Variants in ZBBX observed in about 807,000 individuals in gnomAD.
ZBBX encodes the protein zinc finger B-box domain containing.
Under a neutral mutation model 108.5 loss-of-function variants are expected in ZBBX, and 101 were observed. The ratio of observed to expected loss-of-function variants is 0.93; its 90% CI spans 0.79 to 1.10. ZBBX has a LOEUF of 1.10. ZBBX is among the 50% of genes least tolerant of loss of function. The pLI, the probability that ZBBX is intolerant of heterozygous loss-of-function variation, is 0.00. For synonymous variants in ZBBX, 356 were observed against 323.4 expected (o/e 1.10, Z -1.08); for missense variants, 1,009 against 941.4 (o/e 1.07, Z -0.94).
chr3:167,360,590 T>C (rs1309210438), intron 7 of ZBBX, 85 bp downstream of exon 7: 2 of 807,170 alleles, frequency 2.5e-6, no homozygotes, highest in Non-Finnish European at 3.5e-6. Flanking sequence ...CCCGGACAAT[T>C]CTAAAACTTT....
At chr3:167,275,818 T>C (rs1727462642) in intron 20 of ZBBX, among the ~76,000 whole-genome samples, 1 of 152,190 alleles carries the variant, frequency 6.6e-6, no homozygotes, top group Admixed American at 6.5e-5. Context: ...GCTCCACCTC[T>C]GGGGGCAGGG....
At chr3:167,290,673 C>A (rs1490941231) in intron 18 of ZBBX, among the ~76,000 whole-genome samples, 1 of 152,058 alleles carries the variant, frequency 6.6e-6, no homozygotes, top group Non-Finnish European at 1.5e-5. Flanking sequence ...CAACTCCTCA[C>A]CACCAAGGGA....
intron 20 of ZBBX, among the ~76,000 whole-genome samples, chr3:167,267,840 G>A (rs1725829231): frequency 6.6e-6 from 1 of 152,104 alleles, no homozygotes. Context: ...AAGGACTCCA[G>A]CGCATGGGAT....
At chr3:167,377,181 T>C (rs1188133473) in intron 2 of ZBBX, among the ~76,000 whole-genome samples, 1 of 152,210 alleles carries the variant, frequency 6.6e-6, no homozygotes, top group Non-Finnish European at 1.5e-5. Flanking sequence ...GATGGTTTGA[T>C]GATCCTTCTA....
the ZBBX span, among the ~76,000 whole-genome samples, chr3:167,204,229 A>G: frequency 8.7e-6 from 1 of 115,122 alleles, no homozygotes; most frequent in African/African-American, 3.1e-5. Flanking sequence ...TTCATTTTAA[A>G]TTTCTTTTCT....
intron 6 of ZBBX, among the ~76,000 whole-genome samples, chr3:167,361,815 G>A (rs1482199195): frequency 2.0e-5 from 3 of 152,090 alleles, no homozygotes; most frequent in Non-Finnish European, 2.9e-5. Flanking sequence ...CTACCTTAAT[G>A]ATACATCTGA....
intron 1 of ZBBX, among the ~76,000 whole-genome samples, chr3:167,398,583 T>C (rs1004490711): frequency 6.6e-6 from 1 of 152,062 alleles, no homozygotes; most frequent in Admixed American, 6.6e-5. Context: ...ACTGTATAAA[T>C]ATTTAATGAA....
At chr3:167,293,248 AAAAG>A (rs1163973004) in intron 18 of ZBBX, among the ~76,000 whole-genome samples, 2 of 152,184 alleles carry the variant, frequency 1.3e-5, no homozygotes, top group African/African-American at 4.8e-5. Flanking sequence ...ACAAAACAAA[AAAAG>A]AAAATTTCAG....
intron 20 of ZBBX, among the ~76,000 whole-genome samples, chr3:167,247,020 A>G (rs953184173): frequency 6.6e-6 from 1 of 152,236 alleles, no homozygotes; most frequent in African/African-American, 2.4e-5. Flanking sequence ...AGTGCTGGAT[A>G]GAGAAAGGCA....
chr3:167,266,232 T>C (rs1209186147), intron 20 of ZBBX, among the ~76,000 whole-genome samples: 2 of 152,238 alleles, frequency 1.3e-5, no homozygotes, highest in African/African-American at 4.8e-5. Context: ...GTAAAAATAA[T>C]GGATTAAACC....
the ZBBX span, among the ~76,000 whole-genome samples, chr3:167,184,575 GT>G: frequency 6.6e-6 from 1 of 152,074 alleles, no homozygotes; most frequent in Non-Finnish European, 1.5e-5. Flanking sequence ...TCAAGGAATA[GT>G]CAACAGGAAA....
chr3:167,221,499 T>C, the ZBBX span, among the ~76,000 whole-genome samples: 1 of 151,804 alleles, frequency 6.6e-6, no homozygotes, highest in Non-Finnish European at 1.5e-5. Flanking sequence ...CTATCTCTTG[T>C]TGACTATGAA....
At chr3:167,242,438 A>G (rs774963371) in intron 21 of ZBBX, 67 bp downstream of exon 21, 16 of 1,313,280 alleles carry the variant, frequency 1.2e-5, no homozygotes, top group Non-Finnish European at 1.6e-5. Flanking sequence ...AATAAAGATA[A>G]CTAGTTGGAG....
At chr3:167,398,437 C>G (rs1748317376) in intron 1 of ZBBX, among the ~76,000 whole-genome samples, 1 of 152,034 alleles carries the variant, frequency 6.6e-6, no homozygotes, top group Non-Finnish European at 1.5e-5. Context: ...AATATCTTCA[C>G]TGCTTCAGAA....
the ZBBX span, among the ~76,000 whole-genome samples, chr3:167,219,006 T>A: frequency 5.3e-5 from 8 of 151,668 alleles, no homozygotes; most frequent in Admixed American, 4.6e-4. Context: ...AAAATAGATT[T>A]CAAAACAAAA....
At chr3:167,231,875 A>C in the ZBBX span, among the ~76,000 whole-genome samples, 1 of 151,858 alleles carries the variant, frequency 6.6e-6, no homozygotes, top group Non-Finnish European at 1.5e-5. Flanking sequence ...ATACACTTTC[A>C]TTCTTCTAAG....
At chr3:167,265,710 C>G (rs1725341612) in intron 20 of ZBBX, among the ~76,000 whole-genome samples, 1 of 152,140 alleles carries the variant, frequency 6.6e-6, no homozygotes, top group South Asian at 2.1e-4. Flanking sequence ...ACCTATGACC[C>G]CCAGGCACTT....
At chr3:167,389,024 A>T (rs752195624) in intron 1 of ZBBX, among the ~76,000 whole-genome samples, 3 of 151,788 alleles carry the variant, frequency 2.0e-5, no homozygotes, top group Non-Finnish European at 4.4e-5. Flanking sequence ...GGTTTGTTAC[A>T]TAGGTATACA....
chr3:167,406,502 C>G (rs1577152286), intron 1 of ZBBX, among the ~76,000 whole-genome samples: 1 of 152,120 alleles, frequency 6.6e-6, no homozygotes, highest in East Asian at 1.9e-4. Context: ...AGGTGGATCA[C>G]CTGAGCCTGA....
Sources: allele counts gnomAD v4.1 joint callset (sites outside exome capture counted in the v4.1 genomes callset), GRCh38; gene constraint gnomAD v4.1.1; transcripts MANE v1.5; gene names NCBI Gene and HGNC (gene_info 2026-07-23, HGNC 2026-07-21).